OXR1: variants seen among roughly 807,000 people sequenced by gnomAD.
OXR1 encodes the protein oxidation resistance protein 1.
In OXR1, 41 loss-of-function variants were observed where a neutral mutation model predicts 104.6. That is an observed-to-expected ratio of 0.39 (90% CI 0.31 to 0.51). The LOEUF (loss-of-function observed/expected upper bound fraction) is 0.51, where lower values mean the gene tolerates loss of function less well. Ranked by LOEUF, OXR1 falls within the 20% of genes least tolerant of loss-of-function variation. The probability of loss-of-function intolerance (pLI) is 0.77; values close to 1 mark genes in which losing one functional copy is unlikely to be tolerated. For missense variants in OXR1, 955 were observed against 1,031.9 expected (o/e 0.93, Z 1.02); for synonymous variants, 348 against 348.4 (o/e 1.00, Z 0.01).
chr8:106,472,950 C>T (rs957814500), intron 2 of OXR1, among the ~76,000 whole-genome samples: 2 of 151,844 alleles, frequency 1.3e-5, no homozygotes, highest in Non-Finnish European at 2.9e-5. Flanking sequence ...TTGCAAACTT[C>T]CTAACCAGTT....
At chr8:106,495,359 C>A (rs958539211) in intron 2 of OXR1, among the ~76,000 whole-genome samples, 22 of 152,180 alleles carry the variant, frequency 1.4e-4, no homozygotes, top group African/African-American at 5.3e-4. Flanking sequence ...AGAAGACAGG[C>A]AATTCTATAA....
chr8:106,422,129 G>C (rs1818929306), intron 2 of OXR1, among the ~76,000 whole-genome samples: 1 of 152,118 alleles, frequency 6.6e-6, no homozygotes, highest in South Asian at 2.1e-4. Context: ...GCATCCATTT[G>C]TTCCACATGT....
intron 11 of OXR1, among the ~76,000 whole-genome samples, chr8:106,719,832 G>A (rs1409297858): frequency 6.6e-6 from 1 of 151,830 alleles, no homozygotes; most frequent in Admixed American, 6.6e-5. Context: ...TTGAGATGGA[G>A]TCTCCGTCTG....
At chr8:106,530,787 C>A in intron 3 of OXR1, among the ~76,000 whole-genome samples, 1 of 151,892 alleles carries the variant, frequency 6.6e-6, no homozygotes, top group Non-Finnish European at 1.5e-5. Flanking sequence ...ATTTTGTGAT[C>A]ATCTGAACAA....
At chr8:106,624,127 C>T (rs971770315) in intron 3 of OXR1, among the ~76,000 whole-genome samples, 1 of 152,094 alleles carries the variant, frequency 6.6e-6, no homozygotes, top group Non-Finnish European at 1.5e-5. Flanking sequence ...AATTATTTCC[C>T]TGATTTGACA....
chr8:106,622,381 T>C (rs1277487041), intron 3 of OXR1, among the ~76,000 whole-genome samples: 2 of 152,126 alleles, frequency 1.3e-5, no homozygotes, highest in African/African-American at 4.8e-5. Context: ...AACATGAATC[T>C]CATTGTATCG....
chr8:106,270,981 T>C (rs1210617174), intron 1 of OXR1, among the ~76,000 whole-genome samples: 2 of 152,074 alleles, frequency 1.3e-5, no homozygotes, highest in Admixed American at 6.5e-5. Context: ...GCCTGGAATC[T>C]GTCTCCCGCT....
At chr8:106,484,901 T>C (rs1042976996) in intron 2 of OXR1, among the ~76,000 whole-genome samples, 4 of 152,102 alleles carry the variant, frequency 2.6e-5, no homozygotes, top group African/African-American at 9.7e-5. Context: ...GCTATATTTA[T>C]AATTATCAAA....
intron 2 of OXR1, among the ~76,000 whole-genome samples, chr8:106,435,065 G>A (rs1327806144): frequency 1.3e-5 from 2 of 152,156 alleles, no homozygotes; most frequent in South Asian, 2.1e-4. Context: ...GGAAGTAACA[G>A]TCAAGATAAG....
intron 2 of OXR1, among the ~76,000 whole-genome samples, chr8:106,411,682 A>G (rs1818463455): frequency 1.3e-5 from 2 of 152,302 alleles, no homozygotes; most frequent in Admixed American, 6.5e-5. Context: ...TTGCCTTTCC[A>G]GGTCCCTGAT....
chr8:106,276,570 A>T (rs573150278), intron 1 of OXR1, among the ~76,000 whole-genome samples: 3 of 152,218 alleles, frequency 2.0e-5, no homozygotes, highest in Admixed American at 6.5e-5. Context: ...GCCTGAGGTC[A>T]GTAGTCACTC....
At chr8:106,390,442 G>T (rs1586595847) in intron 2 of OXR1, among the ~76,000 whole-genome samples, 2 of 152,130 alleles carry the variant, frequency 1.3e-5, no homozygotes, top group African/African-American at 4.8e-5. Context: ...TATTAATTCA[G>T]TTAGTTCCTC....
intron 3 of OXR1, among the ~76,000 whole-genome samples, chr8:106,601,723 T>A (rs538730021): frequency 6.6e-6 from 1 of 152,226 alleles, no homozygotes; most frequent in Non-Finnish European, 1.5e-5. Flanking sequence ...CTCCTGCCTA[T>A]GGGAATGTGA....
intron 2 of OXR1, among the ~76,000 whole-genome samples, chr8:106,389,038 T>C (rs779149477): frequency 6.6e-6 from 1 of 152,184 alleles, no homozygotes; most frequent in Non-Finnish European, 1.5e-5. Context: ...TTCTTTACCC[T>C]CATCCTTCTA....
At chr8:106,537,684 A>AAAGAAG (rs60476908) in intron 3 of OXR1, among the ~76,000 whole-genome samples, 113,072 of 150,760 alleles carry the variant, frequency 0.75, 42,630 homozygotes, top group Admixed American at 0.83. Context: ...AGTATTTTAA[A>AAAGAAG]AAGAAGAAGA....
intron 3 of OXR1, among the ~76,000 whole-genome samples, chr8:106,623,880 A>G (rs945063313): frequency 4.6e-5 from 7 of 152,168 alleles, no homozygotes; most frequent in Admixed American, 3.9e-4. Context: ...CATGTGAGAA[A>G]ATTGTCCAGT....
chr8:106,416,415 T>C (rs186544890), intron 2 of OXR1, among the ~76,000 whole-genome samples: 1 of 152,124 alleles, frequency 6.6e-6, no homozygotes, highest in Non-Finnish European at 1.5e-5. Flanking sequence ...TCCATTGGTA[T>C]TTCTTTGAAA....
chr8:106,334,086 C>T (rs138707646), intron 1 of OXR1, among the ~76,000 whole-genome samples: 6 of 152,272 alleles, frequency 3.9e-5, no homozygotes, highest in South Asian at 2.1e-4. Context: ...ATTAATTCTT[C>T]GAAACCATGA....
chr8:106,343,038 A>T (rs1815321043), intron 1 of OXR1, among the ~76,000 whole-genome samples: 1 of 152,208 alleles, frequency 6.6e-6, no homozygotes, highest in Admixed American at 6.5e-5. Flanking sequence ...AAATCCAGTC[A>T]GTCCCTGACT....
Sources: gnomAD v4.1 joint callset for allele counts (sites outside exome capture counted in the v4.1 genomes callset) on GRCh38, gnomAD v4.1.1 for gene constraint, MANE v1.5 for transcripts, NCBI Gene and HGNC (gene_info 2026-07-23, HGNC 2026-07-21) for gene names.